IL1R1: variants seen among roughly 807,000 people sequenced by gnomAD.
The protein encoded by IL1R1 is interleukin 1 receptor type 1.
A neutral mutation model predicts 50.2 loss-of-function variants in IL1R1; 22 were observed. That is an observed-to-expected ratio of 0.44 (90% CI 0.31 to 0.63). The LOEUF is 0.63. IL1R1 is among the 20% of genes least tolerant of loss of function. The pLI, the probability that IL1R1 is intolerant of heterozygous loss-of-function variation, is 0.07. For missense variants in IL1R1, 509 were observed against 676.2 expected, an observed-to-expected ratio of 0.75 and a Z score of 2.74; for synonymous variants, 251 against 236.7, an observed-to-expected ratio of 1.06 and a Z score of -0.55.
chr2:102,145,979 G>GA (rs11320267), intron 1 of IL1R1, among the ~76,000 whole-genome samples: 1 of 151,858 alleles, frequency 6.6e-6, no homozygotes, highest in Non-Finnish European at 1.5e-5. Flanking sequence ...AAGTGCTCAG[G>GA]AAAAAAAGCA....
chr2:102,171,545 A>T (rs1436182659), intron 7 of IL1R1, among the ~76,000 whole-genome samples: 3 of 152,152 alleles, frequency 2.0e-5, no homozygotes, highest in African/African-American at 7.2e-5. Flanking sequence ...GTGGGCCCAA[A>T]TTCCCAATCC....
chr2:102,119,075 C>T (rs1461029990), intron 1 of IL1R1, among the ~76,000 whole-genome samples: 6 of 149,818 alleles, frequency 4.0e-5, no homozygotes, highest in Non-Finnish European at 7.4e-5. Context: ...ATCTATCTCA[C>T]GTTTATTTTA....
intron 1 of IL1R1, among the ~76,000 whole-genome samples, chr2:102,108,207 A>AGTGT (rs147039622): frequency 4.1e-4 from 61 of 148,908 alleles, no homozygotes; most frequent in East Asian, 2.0e-3. Flanking sequence ...AAACTTGGGA[A>AGTGT]GTGTGTGTGT....
chr2:102,101,215 C>T (rs1422664502), upstream of IL1R1, among the ~76,000 whole-genome samples: 2 of 152,184 alleles, frequency 1.3e-5, no homozygotes, highest in South Asian at 2.1e-4. Flanking sequence ...ATGGGCCACA[C>T]TTTGTGTCCC....
chr2:102,176,869 CT>C lies in IL1R1; in HGVS notation c.*113del. 9.5e-7 allele frequency: 1 copy of C among 1,055,552 alleles called. No individual in the cohort carries two copies. Among genetic ancestry groups the C allele is most frequent in the Non-Finnish European group, 1.4e-6 (1 of 712,334 alleles). The allele number at this position is 1,055,552 out of a possible 1,614,324, so 65.4% of individuals were successfully genotyped here. A position where few individuals can be genotyped will look rare whatever the true frequency, so the allele number is the denominator to read the frequency against. ...GTTCATGGAATGTAACTATATCATCCTTTATCCCTGAGGTCACCTGGAATCA... is the reference window on the plus strand; with the variant it reads ...GTTCATGGAATGTAACTATATCATCCTTATCCCTGAGGTCACCTGGAATCA... On this transcript the variant is annotated 3_prime_UTR_variant, in exon 12 of 12. Transcript: ENST00000410023.
In IL1R1 at chr2:102,166,569, A is replaced by T. The variant is rs569165507; in HGVS notation, c.655+288A>T. 3.9e-5 allele frequency among the ~76,000 whole-genome samples: 6 copies of T among 152,216 alleles called. No homozygotes were observed. The South Asian group carries it at 6.2e-4, about 16-fold the overall frequency. ...ATGGCTAAAAATGGTTCTTACTGAA[A>T]GCTCTGGGGCTCCCTCTGGCTGGTA... On this transcript the variant is annotated intron_variant, in intron 6 of 11. Coordinates refer to ENST00000410023, the MANE Select transcript of IL1R1 (RefSeq NM_000877.4).
chr2:102,127,117 A>C (rs1307680323), intron 1 of IL1R1, among the ~76,000 whole-genome samples: 1 of 152,184 alleles, frequency 6.6e-6, no homozygotes, highest in Non-Finnish European at 1.5e-5. Flanking sequence ...TGTCATGTTC[A>C]GGCCCCCGGC....
upstream of IL1R1, among the ~76,000 whole-genome samples, chr2:102,138,797 C>T (rs1163418205): frequency 1.3e-5 from 2 of 152,158 alleles, no homozygotes. Flanking sequence ...TGAGAGTTTA[C>T]TGGCAGTGCC....
chr2:102,167,082 T>C (rs1324778566), intron 6 of IL1R1, among the ~76,000 whole-genome samples: 8 of 152,118 alleles, frequency 5.3e-5, no homozygotes, highest in Non-Finnish European at 1.2e-4. Context: ...AATCAGAACT[T>C]TTTTGCAGGT....
intron 1 of IL1R1, among the ~76,000 whole-genome samples, chr2:102,130,679 C>A (rs1389413354): frequency 3.5e-5 from 4 of 112,906 alleles, no homozygotes; most frequent in Admixed American, 1.1e-4. Context: ...ATAAAGATAT[C>A]AAAAACTTTT....
intron 3 of IL1R1, among the ~76,000 whole-genome samples, chr2:102,160,878 T>A (rs1478002354): frequency 6.6e-6 from 1 of 152,230 alleles, no homozygotes; most frequent in Non-Finnish European, 1.5e-5. Flanking sequence ...ACACCCCTTC[T>A]GTCCGAACCA....
intron 1 of IL1R1, among the ~76,000 whole-genome samples, chr2:102,116,609 T>A (rs1254126399): frequency 6.6e-6 from 1 of 152,214 alleles, no homozygotes; most frequent in Non-Finnish European, 1.5e-5. Flanking sequence ...GGAGGTCAAC[T>A]TTTGTGTAGT....
chr2:102,074,430 A>ATGTCATCTCTGGGCCTCTCCG (rs1678875536), intron 1 of IL1R1, among the ~76,000 whole-genome samples: 1 of 82,432 alleles, frequency 1.2e-5, no homozygotes, highest in African/African-American at 7.1e-5. Context: ...GGGCCTCTCC[A>ATGTCATCTCTGGGCCTCTCCG]TATGGTCTTT....
Position 102,124,423 on chromosome 2 carries a change from C to T in IL1R1, c.-84+19551C>T, listed in dbSNP as rs185880582. ...TGACAGAGCAAGACTCCATCTCCCC[C>T]CCACCACTGCCCCCCCAAAAAAGAA... On this transcript the variant is annotated intron_variant, in intron 1 of 10. Coordinates refer to the IL1R1 transcript ENST00000409329. 2.2e-3 allele frequency among the ~76,000 whole-genome samples: 325 copies of T among 146,272 alleles called. 4 individuals carry two copies. The highest frequency in any genetic ancestry group is 8.0e-3 in the African/African-American group (320 of 39,938).
upstream of IL1R1, among the ~76,000 whole-genome samples, chr2:102,099,836 T>C (rs144466380): frequency 1.7e-3 from 264 of 152,334 alleles, 1 homozygote; most frequent in African/African-American, 5.8e-3. Context: ...GTTAGGGAAC[T>C]AAGAATGGGA....
chr2:102,112,975 A>G (rs1680859480), intron 1 of IL1R1, among the ~76,000 whole-genome samples: 1 of 152,378 alleles, frequency 6.6e-6, no homozygotes, highest in Admixed American at 6.5e-5. Context: ...GGATACAATG[A>G]GAAGTCAGCT....
intron 1 of IL1R1, among the ~76,000 whole-genome samples, chr2:102,098,372 T>C (rs1167533198): frequency 1.3e-5 from 2 of 152,160 alleles, no homozygotes; most frequent in African/African-American, 4.8e-5. Context: ...GTTTATTTAA[T>C]GTTTTGCTGG....
chr2:102,082,288 TA>T (rs36064003), intron 1 of IL1R1, among the ~76,000 whole-genome samples: 1 of 75,414 alleles, frequency 1.3e-5, no homozygotes, highest in East Asian at 2.9e-4. Flanking sequence ...ATTTAAATAT[TA>T]TTTCTGGAGA....
At chr2:102,091,642 C>G (rs909141096) in intron 1 of IL1R1, among the ~76,000 whole-genome samples, 2 of 152,144 alleles carry the variant, frequency 1.3e-5, no homozygotes, top group African/African-American at 2.4e-5. Context: ...TTCAAGTTCT[C>G]TCTTGTAACT....
Sources: gnomAD v4.1 joint callset for allele counts (sites outside exome capture counted in the v4.1 genomes callset) on GRCh38, gnomAD v4.1.1 for gene constraint, MANE v1.5 for transcripts, NCBI Gene and HGNC (gene_info 2026-07-23, HGNC 2026-07-21) for gene names.